The following CACNA2D3 variants were observed in gnomAD, a reference collection of about 807,000 sequenced individuals.
CACNA2D3 encodes calcium voltage-gated channel auxiliary subunit alpha2delta 3, also known as voltage-dependent calcium channel subunit alpha-2/delta-3.
In CACNA2D3, 60 loss-of-function variants were observed where a neutral mutation model predicts 160.6. That is an observed-to-expected ratio of 0.37 (90% CI 0.30 to 0.46). The LOEUF is 0.46. CACNA2D3 is among the 20% of genes least tolerant of loss of function. The pLI, the probability that CACNA2D3 is intolerant of heterozygous loss-of-function variation, is 1.00. For missense variants in CACNA2D3, 1,205 were observed against 1,365.0 expected, an observed-to-expected ratio of 0.88 and a Z score of 1.85; for synonymous variants, 558 against 492.9, an observed-to-expected ratio of 1.13 and a Z score of -1.75.
At chr3:54,470,567 C>G (rs543007106) in intron 4 of CACNA2D3, among the ~76,000 whole-genome samples, 2 of 152,178 alleles carry the variant, frequency 1.3e-5, no homozygotes, top group Non-Finnish European at 2.9e-5. Flanking sequence ...ATGAAAGGAT[C>G]AAATTCCTAC....
intron 25 of CACNA2D3, among the ~76,000 whole-genome samples, chr3:54,893,221 A>G (rs973553621): frequency 6.6e-6 from 1 of 152,110 alleles, no homozygotes; most frequent in African/African-American, 2.4e-5. Context: ...GGCTGTAGTG[A>G]GCTGAGATTG....
chr3:54,899,695 C>A, intron 26 of CACNA2D3, 93 bp from the exon 27 acceptor site: 1 of 939,206 alleles, frequency 1.1e-6, no homozygotes, highest in Non-Finnish European at 1.7e-6. Flanking sequence ...GAACAATTTG[C>A]AGAATTGGTG....
At chr3:54,420,061 C>T (rs967254276) in intron 4 of CACNA2D3, among the ~76,000 whole-genome samples, 6 of 149,382 alleles carry the variant, frequency 4.0e-5, no homozygotes, top group Admixed American at 3.3e-4. Context: ...CTACTGCACC[C>T]GGCCTATTCA....
chr3:54,821,648 CTT>C (rs754126074), intron 14 of CACNA2D3, among the ~76,000 whole-genome samples: 1 of 45,602 alleles, frequency 2.2e-5, no homozygotes, highest in Non-Finnish European at 5.2e-5. Flanking sequence ...TTCGTTCTTT[CTT>C]TCTTTCTTTC....
intron 3 of CACNA2D3, among the ~76,000 whole-genome samples, chr3:54,360,896 G>T (rs183723252): frequency 6.6e-6 from 1 of 151,952 alleles, no homozygotes; most frequent in East Asian, 1.9e-4. Flanking sequence ...GTTTTATTTG[G>T]TTTTTCTATG....
At chr3:54,599,606 G>T in intron 9 of CACNA2D3, among the ~76,000 whole-genome samples, 1 of 152,054 alleles carries the variant, frequency 6.6e-6, no homozygotes, top group African/African-American at 2.4e-5. Context: ...TAATTAATAA[G>T]GTGGGGGGGA....
chr3:54,155,032 T>A (rs557241347), intron 2 of CACNA2D3, among the ~76,000 whole-genome samples: 1 of 152,302 alleles, frequency 6.6e-6, no homozygotes, highest in South Asian at 2.1e-4. Flanking sequence ...ATGGTAGAAA[T>A]AACTGCTATG....
chr3:54,335,559 C>A (rs1404741519), intron 3 of CACNA2D3, among the ~76,000 whole-genome samples: 1 of 152,182 alleles, frequency 6.6e-6, no homozygotes, highest in Admixed American at 6.5e-5. Flanking sequence ...TGGGTTTTGG[C>A]CAGCTTCTTT....
At chr3:54,818,061 C>T (rs975627342) in intron 14 of CACNA2D3, among the ~76,000 whole-genome samples, 46 of 152,174 alleles carry the variant, frequency 3.0e-4, no homozygotes. Flanking sequence ...TTCACAAATT[C>T]TCTGCCTAAA....
chr3:54,430,747 G>A (rs539837582), intron 4 of CACNA2D3, among the ~76,000 whole-genome samples: 9 of 152,140 alleles, frequency 5.9e-5, no homozygotes, highest in Non-Finnish European at 1.3e-4. Flanking sequence ...TCATTGGAGG[G>A]TTCCTCTACA....
At chr3:54,297,190 G>C (rs892818385) in intron 2 of CACNA2D3, among the ~76,000 whole-genome samples, 3 of 152,192 alleles carry the variant, frequency 2.0e-5, no homozygotes, top group African/African-American at 7.2e-5. Context: ...TGTAGCCCCA[G>C]GTTGTGCTTT....
At chr3:54,946,318 C>G (rs1701613101) in intron 27 of CACNA2D3, among the ~76,000 whole-genome samples, 1 of 152,298 alleles carries the variant, frequency 6.6e-6, no homozygotes, top group East Asian at 1.9e-4. Context: ...CTGTACATGT[C>G]TTCAGACCAC....
intron 11 of CACNA2D3, among the ~76,000 whole-genome samples, chr3:54,726,265 C>G (rs1051929560): frequency 6.6e-6 from 1 of 152,026 alleles, no homozygotes; most frequent in African/African-American, 2.4e-5. Flanking sequence ...TCAGAGAGGA[C>G]ACAAACAAAT....
At chr3:54,477,149 A>T (rs1700843801) in intron 4 of CACNA2D3, among the ~76,000 whole-genome samples, 2 of 152,168 alleles carry the variant, frequency 1.3e-5, no homozygotes, top group South Asian at 4.1e-4. Context: ...AATGATACCA[A>T]CAGATAATTC....
chr3:55,039,862 A>C (rs527333964), intron 35 of CACNA2D3, among the ~76,000 whole-genome samples: 80 of 152,332 alleles, frequency 5.3e-4, no homozygotes, highest in African/African-American at 1.9e-3. Flanking sequence ...CAATAAATCA[A>C]GTGCTCATGC....
intron 10 of CACNA2D3, among the ~76,000 whole-genome samples, chr3:54,628,243 G>GA (rs968934865): frequency 6.6e-6 from 1 of 151,654 alleles, no homozygotes; most frequent in South Asian, 2.1e-4. Flanking sequence ...AATAGAAAAA[G>GA]AAAAAAATTG....
chr3:54,678,592 G>A (rs982155588), intron 11 of CACNA2D3, among the ~76,000 whole-genome samples: 17 of 151,514 alleles, frequency 1.1e-4, no homozygotes, highest in South Asian at 4.2e-4. Flanking sequence ...ATGGTGGTGC[G>A]CGCCTGTAGT....
chr3:54,821,412 C>T lies in CACNA2D3; in HGVS notation c.1398+4542C>T, dbSNP rs116353780. On this transcript the variant is annotated intron_variant, in intron 14 of 37. Coordinates refer to ENST00000474759, the MANE Select transcript of CACNA2D3 (RefSeq NM_018398.3). The stretch of plus-strand genomic sequence containing the variant: ...GGGTTCAAGATCTGTTGTTCTATGC[C>T]TGCTGTGATTTTCTGTGCTGCTTAA... Among the ~76,000 whole-genome samples, 378 of 152,252 alleles carry T rather than the reference C, an allele frequency of 2.5e-3. 3 individuals are homozygous for T. The highest frequency in any genetic ancestry group is 8.7e-3 in the African/African-American group (360 of 41,542).
intron 27 of CACNA2D3, among the ~76,000 whole-genome samples, chr3:54,943,696 T>G (rs1268926434): frequency 1.3e-5 from 2 of 152,340 alleles, no homozygotes; most frequent in African/African-American, 4.8e-5. Flanking sequence ...ACTACTATTT[T>G]CTAAATGTTT....
Sources: allele counts gnomAD v4.1 joint callset (sites outside exome capture counted in the v4.1 genomes callset), GRCh38; gene constraint gnomAD v4.1.1; transcripts MANE v1.5; gene names NCBI Gene and HGNC (gene_info 2026-07-23, HGNC 2026-07-21).